Variants in INPP4A observed in about 807,000 individuals in gnomAD.
The protein encoded by INPP4A is inositol polyphosphate-4-phosphatase, type I, 107kD.
A neutral mutation model predicts 119.8 loss-of-function variants in INPP4A; 33 were observed. That is an observed-to-expected ratio of 0.28 (90% CI 0.21 to 0.37). INPP4A has a LOEUF of 0.37. INPP4A is among the 10% of genes least tolerant of loss of function. INPP4A has a pLI of 1.00. For synonymous variants in INPP4A, 496 were observed against 500.7 expected, an observed-to-expected ratio of 0.99 and a Z score of 0.12; for missense variants, 956 against 1,289.9, an observed-to-expected ratio of 0.74 and a Z score of 3.97.
rs1448823114 is a variant in INPP4A at position 98,460,793 on chromosome 2, TGGGGTCA to T, written c.-166+15714_-166+15720del. Among the ~76,000 whole-genome samples, 4 of 152,120 alleles carry T rather than the reference TGGGGTCA, an allele frequency of 2.6e-5. No individual in the cohort carries two copies. In the South Asian group the frequency reaches 8.3e-4, roughly 32 times the overall value. On this transcript the variant is annotated intron_variant, in intron 1 of 24. Coordinates refer to ENST00000409851, the MANE Select transcript of INPP4A (RefSeq NM_001134225.2). ...CAGGGCAGGGTGTCCCTGGCACCCA[TGGGGTCA>T]GGGGTGAAGCTGTTATCTGTGAAAT...
At chr2:98,529,548 A>AC (rs1442503295) in intron 4 of INPP4A, among the ~76,000 whole-genome samples, 1 of 152,054 alleles carries the variant, frequency 6.6e-6, no homozygotes, top group Non-Finnish European at 1.5e-5. Context: ...ATCCTGGCTA[A>AC]ACGGTGAAAC....
chr2:98,523,665 A>G lies in INPP4A; in HGVS notation c.151+2934A>G, dbSNP rs187528269. On this transcript the variant is annotated intron_variant, in intron 4 of 24. Transcript: ENST00000409851. ...CGCCTCGGCCTCCCAAAGTGCTGGG[A>G]TTACAGGCGTGAGCCACCGCGCCTG... Among the ~76,000 whole-genome samples, 1,012 of 152,312 alleles carry G rather than the reference A, an allele frequency of 6.6e-3. 17 individuals are homozygous for G. Among genetic ancestry groups the G allele is most frequent in the African/African-American group, 0.023 (947 of 41,558 alleles).
At chr2:98,530,126 C>T (rs1406890011) in intron 4 of INPP4A, among the ~76,000 whole-genome samples, 1 of 150,586 alleles carries the variant, frequency 6.6e-6, no homozygotes, top group East Asian at 2.0e-4. Flanking sequence ...CTAACAAATT[C>T]TAAGGAGAAA....
intron 1 of INPP4A, among the ~76,000 whole-genome samples, chr2:98,458,252 G>C (rs1338378587): frequency 1.3e-5 from 2 of 152,126 alleles, no homozygotes; most frequent in African/African-American, 4.8e-5. Context: ...GCTGAGGCAG[G>C]AGGATAGCTT....
intron 4 of INPP4A, among the ~76,000 whole-genome samples, chr2:98,531,712 G>A (rs1175416497): frequency 6.6e-6 from 1 of 152,178 alleles, no homozygotes; most frequent in Non-Finnish European, 1.5e-5. Context: ...TAGAGAAAAT[G>A]ACTACTTAGA....
intron 13 of INPP4A, among the ~76,000 whole-genome samples, chr2:98,551,334 A>AT (rs1260709552): frequency 1.3e-5 from 2 of 152,204 alleles, no homozygotes; most frequent in Non-Finnish European, 2.9e-5. Flanking sequence ...TGGAAGAGTG[A>AT]TTGCAGATTG....
At chr2:98,515,726 G>T (rs985561945) in intron 1 of INPP4A, among the ~76,000 whole-genome samples, 1 of 152,206 alleles carries the variant, frequency 6.6e-6, no homozygotes, top group Non-Finnish European at 1.5e-5. Flanking sequence ...GGGACCTGCA[G>T]TACTCCCGCT....
rs148039050 is a variant in INPP4A at position 98,500,022 on chromosome 2, T to C, written c.-165-18942T>C. Among the ~76,000 whole-genome samples, 619 of 152,284 alleles carry C rather than the reference T, an allele frequency of 4.1e-3. 8 individuals are homozygous for C. Among genetic ancestry groups the C allele is most frequent in the African/African-American group, 0.014 (599 of 41,568 alleles). On this transcript the variant is annotated intron_variant, in intron 1 of 24. Transcript: ENST00000409851. Reference sequence around the variant, plus strand: ...CTCATATCTAATTCCGGGGGAAACCTTCCCAGTGGTCACAACCTCAGGCCG... The same window carrying C: ...CTCATATCTAATTCCGGGGGAAACCCTCCCAGTGGTCACAACCTCAGGCCG...
intron 5 of INPP4A, among the ~76,000 whole-genome samples, chr2:98,534,152 G>T (rs1194266122): frequency 6.6e-6 from 1 of 152,210 alleles, no homozygotes; most frequent in Non-Finnish European, 1.5e-5. Flanking sequence ...CACCCTTTCA[G>T]TCTCTTAGAA....
chr2:98,586,717 G>A (rs1699997007), intron 24 of INPP4A, among the ~76,000 whole-genome samples: 1 of 152,206 alleles, frequency 6.6e-6, no homozygotes, highest in Admixed American at 6.5e-5. Context: ...GATGACGCTG[G>A]TAGTGAGTTC....
At chr2:98,468,237 T>C (rs930296415) in intron 1 of INPP4A, among the ~76,000 whole-genome samples, 12 of 152,104 alleles carry the variant, frequency 7.9e-5, no homozygotes, top group African/African-American at 2.9e-4. Flanking sequence ...ACAATTTTAT[T>C]GATTGATTGA....
intron 17 of INPP4A, among the ~76,000 whole-genome samples, chr2:98,560,362 T>C (rs1238648169): frequency 6.6e-6 from 1 of 152,230 alleles, no homozygotes; most frequent in Non-Finnish European, 1.5e-5. Flanking sequence ...TTTACCAGGC[T>C]AACAAGCTAT....
intron 4 of INPP4A, among the ~76,000 whole-genome samples, chr2:98,524,081 C>T (rs1687734469): frequency 6.6e-6 from 1 of 152,150 alleles, no homozygotes; most frequent in Admixed American, 6.6e-5. Flanking sequence ...CTTATTTTAG[C>T]CAGCCTCCTA....
chr2:98,447,823 G>A (rs1035153506), intron 1 of INPP4A, among the ~76,000 whole-genome samples: 4 of 152,012 alleles, frequency 2.6e-5, no homozygotes, highest in African/African-American at 4.8e-5. Context: ...CGAGGCGGGC[G>A]GATCACAAGA....
At chr2:98,478,733 C>T (rs1034351062) in intron 1 of INPP4A, among the ~76,000 whole-genome samples, 30 of 152,196 alleles carry the variant, frequency 2.0e-4, no homozygotes, top group African/African-American at 7.2e-4. Flanking sequence ...GATGGATTTC[C>T]GAGAAGGTTG....
At chr2:98,572,469 G>A (rs532226992) in intron 22 of INPP4A, among the ~76,000 whole-genome samples, 4 of 152,290 alleles carry the variant, frequency 2.6e-5, no homozygotes, top group East Asian at 1.9e-4. Flanking sequence ...AAGTTTTGAC[G>A]ACCAGCTGGA....
chr2:98,553,115 C>T (rs1475871882), intron 14 of INPP4A, 146 bp downstream of exon 14: 1 of 686,044 alleles, frequency 1.5e-6, no homozygotes, highest in African/African-American at 1.8e-5. Flanking sequence ...CCATTTCGCA[C>T]AAAGGCCCAG....
chr2:98,584,204 T>C (rs142391909), intron 24 of INPP4A, among the ~76,000 whole-genome samples: 6 of 152,348 alleles, frequency 3.9e-5, no homozygotes, highest in Non-Finnish European at 7.4e-5. Flanking sequence ...CTCTTTCACA[T>C]TGAGGCGTGC....
intron 15 of INPP4A, among the ~76,000 whole-genome samples, chr2:98,555,047 A>G (rs1350344629): frequency 2.0e-5 from 3 of 152,206 alleles, no homozygotes; most frequent in African/African-American, 7.2e-5. Flanking sequence ...TACTGCTTAG[A>G]GGCATTGTTC....
Sources: gnomAD v4.1 joint callset for allele counts (sites outside exome capture counted in the v4.1 genomes callset) on GRCh38, gnomAD v4.1.1 for gene constraint, MANE v1.5 for transcripts, NCBI Gene and HGNC (gene_info 2026-07-23, HGNC 2026-07-21) for gene names.